The following MRM1 variants were observed in gnomAD, a reference collection of about 807,000 sequenced individuals.
The protein encoded by MRM1 is mitochondrial rRNA methyltransferase 1, also known as rRNA methyltransferase 1, mitochondrial.
In MRM1, 24 loss-of-function variants were observed where a neutral mutation model predicts 25.0. The ratio of observed to expected loss-of-function variants is 0.96; its 90% confidence interval spans 0.69 to 1.35. The LOEUF is 1.35. Among genes scored for constraint, MRM1 ranks in the 40% most tolerant of loss-of-function variants. The probability of loss-of-function intolerance (pLI) is 0.00; values close to 1 mark genes in which losing one functional copy is unlikely to be tolerated. For synonymous variants in MRM1, 188 were observed against 199.2 expected (o/e 0.94, Z 0.47); for missense variants, 431 against 464.1 (o/e 0.93, Z 0.65).
At chr17:36,615,580 A>C in the MRM1 span, among the ~76,000 whole-genome samples, 1 of 151,648 alleles carries the variant, frequency 6.6e-6, no homozygotes, top group Non-Finnish European at 1.5e-5. Context: ...AATCCCTGGA[A>C]CCCAGTAGGC....
the MRM1 span, among the ~76,000 whole-genome samples, chr17:36,632,069 G>T: frequency 6.6e-6 from 1 of 152,198 alleles, no homozygotes; most frequent in Non-Finnish European, 1.5e-5. Context: ...TGGCCAGGCT[G>T]GTCTCGAACT....
the MRM1 span, among the ~76,000 whole-genome samples, chr17:36,628,417 A>G: frequency 6.6e-6 from 1 of 152,226 alleles, no homozygotes; most frequent in Non-Finnish European, 1.5e-5. Flanking sequence ...CATGGGCTCA[A>G]AACTGGGCTG....
At chr17:36,632,824 C>T in the MRM1 span, among the ~76,000 whole-genome samples, 1 of 152,094 alleles carries the variant, frequency 6.6e-6, no homozygotes, top group Non-Finnish European at 1.5e-5. Flanking sequence ...CCGAGTTTCT[C>T]AGTGGGCTCA....
chr17:36,609,884 A>G (rs2074964579), downstream of MRM1, among the ~76,000 whole-genome samples: 1 of 152,218 alleles, frequency 6.6e-6, no homozygotes, highest in Non-Finnish European at 1.5e-5. Context: ...TAATAATGGC[A>G]ATGCCAATTT....
chr17:36,618,299 C>G, the MRM1 span, among the ~76,000 whole-genome samples: 1 of 152,154 alleles, frequency 6.6e-6, no homozygotes, highest in East Asian at 1.9e-4. Context: ...TATTGAGCAC[C>G]TACTCTGTGC....
the MRM1 span, among the ~76,000 whole-genome samples, chr17:36,630,909 G>T: frequency 2.8e-4 from 42 of 152,290 alleles, 1 homozygote; most frequent in East Asian, 7.1e-3. Context: ...GGGCCCAGGT[G>T]AATAAGCTTC....
At chr17:36,624,671 T>C in the MRM1 span, among the ~76,000 whole-genome samples, 1 of 152,154 alleles carries the variant, frequency 6.6e-6, no homozygotes, top group Non-Finnish European at 1.5e-5. The surrounding 1 kb of genome is among the most constrained non-coding windows in gnomAD (Gnocchi z 4.0). Flanking sequence ...TGAGGCCTGC[T>C]TCTCTTCTTG....
chr17:36,602,418 G>C lies in MRM1; in HGVS notation c.542+66G>C. The stretch of plus-strand genomic sequence containing the variant: ...ACGCAGCCGAGTTCCTAAGCACCTT[G>C]GCCCTTGGGTGATCCCTTAGCCAGA... On this transcript the variant is annotated intron_variant, in intron 1 of 4. Coordinates refer to ENST00000614766, the MANE Select transcript of MRM1 (RefSeq NM_024864.5). This position sits in a 1 kb window ranked among gnomAD's most constrained non-coding sequence, Gnocchi z 4.1. 1 of 1,557,414 alleles carries C rather than the reference G, an allele frequency of 6.4e-7. No individual in the cohort carries two copies. Among genetic ancestry groups the C allele is most frequent in the Non-Finnish European group, 8.7e-7 (1 of 1,148,946 alleles).
At chr17:36,615,747 G>A in the MRM1 span, among the ~76,000 whole-genome samples, 1 of 152,020 alleles carries the variant, frequency 6.6e-6, no homozygotes, top group Admixed American at 6.6e-5. Context: ...TGTAATCCCA[G>A]TACTTTGGGA....
chr17:36,624,522 C>T, the MRM1 span, among the ~76,000 whole-genome samples: 6 of 152,226 alleles, frequency 3.9e-5, no homozygotes, highest in South Asian at 1.0e-3. This position sits in a 1 kb window ranked among gnomAD's most constrained non-coding sequence, Gnocchi z 4.0. Context: ...GTCATCAGTA[C>T]AACCGGGTCT....
rs760607606 is a variant in MRM1, at chr17:36,602,656, G to A, written c.636+10G>A. On this transcript the variant is annotated intron_variant, in intron 2 of 4. Transcript: ENST00000614766. The surrounding 1 kb of genome is among the most constrained non-coding windows in gnomAD (Gnocchi z 4.1). ...CACCGGATTTTTACAGGTAATGAGG[G>A]GCAAGAGGGGAAGGAACAGATGTGA... 9.3e-6 allele frequency: 15 copies of A among 1,613,702 alleles called. No individual in the cohort carries two copies. In the South Asian group the frequency reaches 1.4e-4, roughly 15 times the overall value.
chr17:36,626,704 GCT>G, the MRM1 span, among the ~76,000 whole-genome samples: 24 of 152,154 alleles, frequency 1.6e-4, no homozygotes, highest in Non-Finnish European at 3.2e-4. Flanking sequence ...CTTGATCATG[GCT>G]CTGTCTTTCA....
the MRM1 span, among the ~76,000 whole-genome samples, chr17:36,623,802 C>T: frequency 2.0e-5 from 3 of 152,074 alleles, no homozygotes; most frequent in Non-Finnish European, 2.9e-5. Flanking sequence ...GTTGGGGTCT[C>T]GCTGAGCCTC....
Position 36,608,659 on chromosome 17 carries a change from A to G in MRM1, c.*244A>G, listed in dbSNP as rs2074953664. 2 of 400,996 alleles carry G rather than the reference A, an allele frequency of 5.0e-6. No homozygotes were observed. Among genetic ancestry groups the G allele is most frequent in the East Asian group, 3.6e-5 (1 of 27,912 alleles). The allele number at this position is 400,996 out of a possible 1,614,324, so 24.8% of individuals were successfully genotyped here. ...CCATGGGAAGCCATGATGGCCTAGC[A>G]TGGAGGGAATCTGTTCCCAGGCCCT... On this transcript the variant is annotated 3_prime_UTR_variant, in exon 5 of 5. Coordinates refer to ENST00000614766, the MANE Select transcript of MRM1 (RefSeq NM_024864.5).
At chr17:36,624,129 A>T in the MRM1 span, among the ~76,000 whole-genome samples, 6 of 151,614 alleles carry the variant, frequency 4.0e-5, no homozygotes, top group South Asian at 4.2e-4. This position sits in a 1 kb window ranked among gnomAD's most constrained non-coding sequence, Gnocchi z 4.0. Flanking sequence ...AAGCACCGCC[A>T]CCTCCCTTTC....
the MRM1 span, among the ~76,000 whole-genome samples, chr17:36,633,500 G>A: frequency 6.6e-6 from 1 of 152,154 alleles, no homozygotes; most frequent in Non-Finnish European, 1.5e-5. Flanking sequence ...TTGGGCAGGG[G>A]GATGGAGGAA....
chr17:36,613,474 G>A (rs1206595369), downstream of MRM1, among the ~76,000 whole-genome samples: 1 of 152,138 alleles, frequency 6.6e-6, no homozygotes, highest in African/African-American at 2.4e-5. Context: ...TTGAGGCAGG[G>A]GTCTTCCCTG....
chr17:36,602,123 C>T lies in MRM1; in HGVS notation c.313C>T (p.Gln105Ter). ...CATTCCAGTTCTGCGGCCCAGACGG[C>T]AGAAACTGGACACAATGTGCCGCTA... ...RDIPVLRPRRQKLDTMCRYQV... is the reference protein window; with the variant it reads ...RDIPVLRPRR Residue 105 changes from glutamine to a stop codon, truncating the protein, a stop_gained, in exon 1 of 5, where the codon CAG becomes TAG. Transcript: ENST00000614766. LOFTEE classifies it high-confidence loss of function. This position sits in a 1 kb window ranked among gnomAD's most constrained non-coding sequence, Gnocchi z 4.1. 6.2e-7 allele frequency: 1 copy of T among 1,612,550 alleles called. No homozygotes were observed. The highest frequency in any genetic ancestry group is 2.2e-5 in the East Asian group (1 of 44,862).
the MRM1 span, among the ~76,000 whole-genome samples, chr17:36,628,161 G>A: frequency 6.6e-6 from 1 of 152,190 alleles, no homozygotes; most frequent in African/African-American, 2.4e-5. Flanking sequence ...AAATGTGTAT[G>A]TATATATTTT....
Sources: gnomAD v4.1 joint callset for allele counts (sites outside exome capture counted in the v4.1 genomes callset) on GRCh38, gnomAD v4.1.1 for gene constraint, Gnocchi (gnomAD v3.1) non-coding constraint, MANE v1.5 for transcripts, NCBI Gene and HGNC (gene_info 2026-07-23, HGNC 2026-07-21) for gene names.